Variants in DOCK11 observed in about 807,000 individuals in gnomAD.
DOCK11 encodes the protein dedicator of cytokinesis protein 11.
A neutral mutation model predicts 169.1 loss-of-function variants in DOCK11; 70 were observed. That is an observed-to-expected ratio of 0.41 (90% CI 0.34 to 0.51). DOCK11 has a LOEUF of 0.51. DOCK11 is among the 20% of genes least tolerant of loss of function. The pLI, the probability that DOCK11 is intolerant of heterozygous loss-of-function variation, is 0.10. For missense variants in DOCK11, 1,166 were observed against 1,538.8 expected, an observed-to-expected ratio of 0.76 and a Z score of 4.05; for synonymous variants, 529 against 541.3, an observed-to-expected ratio of 0.98 and a Z score of 0.32.
intron 24 of DOCK11, 26 bp from the exon 25 acceptor site, chrX:118,608,046 G>A (rs1196291821): frequency 8.7e-7 from 1 of 1,151,872 alleles, no homozygotes; most frequent in South Asian, 1.9e-5. Context: ...AGCATGACAT[G>A]CTGACTCTTG....
At chrX:118,640,759 A>G (rs760426609) in intron 38 of DOCK11, among the ~76,000 whole-genome samples, 5 of 107,152 alleles carry the variant, frequency 4.7e-5, no homozygotes, top group African/African-American at 1.7e-4. Flanking sequence ...AACCCAGACT[A>G]TATTTGATGA....
intron 29 of DOCK11, among the ~76,000 whole-genome samples, chrX:118,615,257 G>C (rs988809768): frequency 8.9e-6 from 1 of 112,148 alleles, no homozygotes; most frequent in African/African-American, 3.2e-5. Context: ...ATGTGTTGGA[G>C]GCTGGTCAAA....
intron 20 of DOCK11, among the ~76,000 whole-genome samples, chrX:118,595,381 G>T (rs2014129586): frequency 8.9e-6 from 1 of 111,994 alleles, no homozygotes; most frequent in South Asian, 3.7e-4. Flanking sequence ...AAAACTGTGG[G>T]TAGGGATGGC....
intron 1 of DOCK11, 36 bp downstream of exon 1, chrX:118,496,109 C>T: frequency 3.2e-6 from 3 of 926,407 alleles, no homozygotes; most frequent in Non-Finnish European, 4.1e-6. Flanking sequence ...CCGGGGGACG[C>T]GCTCCAGGCG....
chrX:118,623,883 G>A (rs779040498), intron 31 of DOCK11, among the ~76,000 whole-genome samples: 1 of 112,555 alleles, frequency 8.9e-6, no homozygotes, highest in East Asian at 2.8e-4. Flanking sequence ...TATCTGGCGA[G>A]GAATGTCTAT....
At chrX:118,565,980 A>G in intron 7 of DOCK11, 25 bp from the exon 8 acceptor site, 1 of 1,197,769 alleles carries the variant, frequency 8.3e-7, no homozygotes, top group Non-Finnish European at 1.1e-6. Flanking sequence ...AAACTAACTG[A>G]ACACATACTT....
intron 8 of DOCK11, 27 bp from the exon 9 acceptor site, chrX:118,566,547 G>A: frequency 5.0e-6 from 6 of 1,191,154 alleles, no homozygotes; most frequent in Non-Finnish European, 6.8e-6. Context: ...GTATGGTTTA[G>A]AACATCTGCT....
intron 30 of DOCK11, among the ~76,000 whole-genome samples, chrX:118,618,274 G>T (rs1396685435): frequency 1.8e-5 from 2 of 111,431 alleles, no homozygotes; most frequent in Admixed American, 1.9e-4. Flanking sequence ...AGATTTCTAT[G>T]AGTTTAAAAG....
chrX:118,681,838 T>C, intron 51 of DOCK11, 44 bp downstream of exon 51: 1 of 996,408 alleles, frequency 1.0e-6, no homozygotes, highest in Non-Finnish European at 1.4e-6. Flanking sequence ...GTTCGTTTTC[T>C]CTATTTTCTT....
chrX:118,506,533 G>A (rs910255824), intron 1 of DOCK11, among the ~76,000 whole-genome samples: 1 of 110,029 alleles, frequency 9.1e-6, no homozygotes, highest in Admixed American at 9.7e-5. Flanking sequence ...GGGCATGGTG[G>A]TGCACGCCTG....
At chrX:118,622,548 C>G (rs1036867659) in intron 31 of DOCK11, among the ~76,000 whole-genome samples, 1 of 111,613 alleles carries the variant, frequency 9.0e-6, no homozygotes, top group African/African-American at 3.3e-5. Context: ...CCCTAGAGAT[C>G]ACTCATTATC....
intron 16 of DOCK11, among the ~76,000 whole-genome samples, chrX:118,587,331 G>A (rs771967302): frequency 3.6e-5 from 4 of 112,040 alleles, no homozygotes; most frequent in Non-Finnish European, 7.5e-5. Context: ...CTCAACAGTA[G>A]TTATCTCTGG....
At position 118,615,715 on chromosome X, in the gene DOCK11, T is replaced by A. The variant is rs752497183; in HGVS notation, c.3292+4T>A. 2 of 1,176,355 alleles carry A rather than the reference T, an allele frequency of 1.7e-6. No individual in the cohort carries two copies. The highest frequency in any genetic ancestry group is 1.7e-5 in the African/African-American group (1 of 57,159). ...CCTAAACTGCAGCGGGTTCAAGGCA[T>A]GTATTTGCATTTTCCATCATTTGAG... is the stretch of plus-strand genomic sequence containing the variant. On this transcript the variant is annotated splice_donor_region_variant and intron_variant, in intron 30 of 52. Transcript: ENST00000276202.
chrX:118,646,037 CAG>C (rs1291517816), intron 40 of DOCK11, among the ~76,000 whole-genome samples: 1 of 78,470 alleles, frequency 1.3e-5, no homozygotes, highest in Non-Finnish European at 2.2e-5. Context: ...GCTTGGGCAA[CAG>C]AGCGAGACTT....
At chrX:118,637,718 A>G (rs1391910714) in intron 36 of DOCK11, among the ~76,000 whole-genome samples, 1 of 111,802 alleles carries the variant, frequency 8.9e-6, no homozygotes, top group Non-Finnish European at 1.9e-5. Flanking sequence ...GCGCATGATC[A>G]TTCCACTGCC....
chrX:118,520,181 A>C (rs937229207), intron 1 of DOCK11, among the ~76,000 whole-genome samples: 1 of 112,283 alleles, frequency 8.9e-6, no homozygotes, highest in African/African-American at 3.2e-5. Flanking sequence ...CTTAAATATT[A>C]GGAAACCAAT....
At position 118,647,818 on chromosome X, in the gene DOCK11, AT is replaced by A. The variant is rs1246533051; in HGVS notation, c.4399-1125del. On this transcript the variant is annotated intron_variant, in intron 40 of 52. Transcript: ENST00000276202. Reference sequence around the variant, plus strand: ...TATAATATATAATAATATATATTATATTATTATAATATAATATTTAATATAT... The same window carrying A: ...TATAATATATAATAATATATATTATATATTATAATATAATATTTAATATAT... 1.7e-3 allele frequency among the ~76,000 whole-genome samples: 88 copies of A among 52,651 alleles called. 3 individuals are homozygous for A. Among genetic ancestry groups the A allele is most frequent in the East Asian group, 0.012 (18 of 1,529 alleles). 45.7% of individuals were successfully genotyped at this position (52,651 alleles called of 115,157 possible). A position where few individuals can be genotyped will look rare whatever the true frequency, so the allele number is the denominator to read the frequency against.
chrX:118,657,886 C>T (rs1446759886), intron 44 of DOCK11, among the ~76,000 whole-genome samples: 3 of 109,831 alleles, frequency 2.7e-5, no homozygotes, highest in Non-Finnish European at 5.7e-5. Flanking sequence ...GCTCGGGTGA[C>T]AGGTACACCA....
intron 1 of DOCK11, among the ~76,000 whole-genome samples, chrX:118,531,545 G>A (rs1569408486): frequency 2.1e-5 from 2 of 97,112 alleles, no homozygotes; most frequent in African/African-American, 7.4e-5. Context: ...TTTGAAGTGT[G>A]TATATATATA....
Sources: gnomAD v4.1 joint callset for allele counts (sites outside exome capture counted in the v4.1 genomes callset) on GRCh38, gnomAD v4.1.1 for gene constraint, MANE v1.5 for transcripts, NCBI Gene and HGNC (gene_info 2026-07-23, HGNC 2026-07-21) for gene names.